DNM3: variants seen among roughly 807,000 people sequenced by gnomAD.
The protein encoded by DNM3 is dynamin 3.
In DNM3, 47 loss-of-function variants were observed where a neutral mutation model predicts 101.6. The ratio of observed to expected loss-of-function variants is 0.46; its 90% confidence interval spans 0.37 to 0.59. DNM3 has a LOEUF of 0.59. Ranked by LOEUF, DNM3 falls within the 20% of genes least tolerant of loss-of-function variation. DNM3 has a pLI of 0.00. For synonymous variants in DNM3, 385 were observed against 387.9 expected (o/e 0.99, Z 0.09); for missense variants, 849 against 1,085.7 (o/e 0.78, Z 3.06).
At chr1:171,940,792 G>T (rs1361328613) in intron 2 of DNM3, among the ~76,000 whole-genome samples, 1 of 151,708 alleles carries the variant, frequency 6.6e-6, no homozygotes, top group Non-Finnish European at 1.5e-5. Flanking sequence ...TTTCATCATT[G>T]TACTATTTTA....
At chr1:171,888,554 G>A (rs955543351) in intron 1 of DNM3, among the ~76,000 whole-genome samples, 2 of 152,152 alleles carry the variant, frequency 1.3e-5, no homozygotes, top group African/African-American at 4.8e-5. Context: ...ACTGTTTTCA[G>A]TCTCGGGATG....
intron 14 of DNM3, among the ~76,000 whole-genome samples, chr1:172,218,537 C>A (rs946139243): frequency 2.9e-4 from 44 of 151,824 alleles, no homozygotes; most frequent in African/African-American, 1.1e-3. Context: ...AATATTTATC[C>A]CACTTAAGTG....
chr1:172,286,156 G>T (rs201163363), intron 15 of DNM3, among the ~76,000 whole-genome samples: 1 of 151,814 alleles, frequency 6.6e-6, no homozygotes, highest in Admixed American at 6.6e-5. Context: ...TAGTAAATAT[G>T]GAAGGAAGAG....
chr1:172,382,056 T>A (rs185096466), intron 18 of DNM3, among the ~76,000 whole-genome samples: 1 of 152,322 alleles, frequency 6.6e-6, no homozygotes, highest in East Asian at 1.9e-4. Context: ...GTTCTGCCAC[T>A]CAAATCTCCA....
intron 14 of DNM3, among the ~76,000 whole-genome samples, chr1:172,180,086 A>G (rs2819529): frequency 0.5 from 76,338 of 151,934 alleles, 21,255 homozygotes; most frequent in African/African-American, 0.75. Flanking sequence ...CTGCTCTTGT[A>G]TAGTTTAGCA....
intron 15 of DNM3, among the ~76,000 whole-genome samples, chr1:172,266,297 T>C (rs537143167): frequency 9.9e-5 from 15 of 152,178 alleles, no homozygotes; most frequent in Admixed American, 2.0e-4. Context: ...TGGTATACAA[T>C]GCTTTGTCTA....
intron 2 of DNM3, among the ~76,000 whole-genome samples, chr1:171,946,639 AATGCT>A (rs2125436442): frequency 6.6e-6 from 1 of 152,300 alleles, no homozygotes; most frequent in East Asian, 1.9e-4. Flanking sequence ...GCTGTAAAGG[AATGCT>A]GAGGCTGGAT....
chr1:171,872,725 G>A (rs866067747), intron 1 of DNM3, among the ~76,000 whole-genome samples: 15 of 151,792 alleles, frequency 9.9e-5, no homozygotes, highest in South Asian at 4.2e-4. Flanking sequence ...GTGGAAAGTC[G>A]ATGTTTGCTC....
intron 14 of DNM3, among the ~76,000 whole-genome samples, chr1:172,198,119 G>A (rs1294762481): frequency 6.6e-6 from 1 of 151,964 alleles, no homozygotes; most frequent in Non-Finnish European, 1.5e-5. Context: ...AACATGAAGG[G>A]GTGTTGAATT....
intron 11 of DNM3, among the ~76,000 whole-genome samples, chr1:172,071,169 C>G (rs2052159775): frequency 7.0e-6 from 1 of 142,482 alleles, no homozygotes; most frequent in Non-Finnish European, 1.5e-5. Flanking sequence ...TCCCAAAGAG[C>G]TATGGCACAT....
chr1:171,965,841 G>T (rs938471426), intron 2 of DNM3, among the ~76,000 whole-genome samples: 1 of 152,146 alleles, frequency 6.6e-6, no homozygotes, highest in African/African-American at 2.4e-5. Flanking sequence ...CTGGAGATTA[G>T]GGGGTAGGAG....
intron 1 of DNM3, among the ~76,000 whole-genome samples, chr1:171,875,029 A>G (rs886743507): frequency 1.3e-5 from 2 of 152,034 alleles, no homozygotes; most frequent in Admixed American, 6.6e-5. Flanking sequence ...ATAGTATTCC[A>G]TGGTGTGTAG....
At chr1:172,020,204 G>T (rs888202977) in intron 4 of DNM3, among the ~76,000 whole-genome samples, 1 of 152,034 alleles carries the variant, frequency 6.6e-6, no homozygotes, top group Non-Finnish European at 1.5e-5. Flanking sequence ...TGTGCTTCTG[G>T]ACTCACAAGT....
chr1:171,879,858 T>C (rs111597658), intron 1 of DNM3, among the ~76,000 whole-genome samples: 9 of 152,360 alleles, frequency 5.9e-5, no homozygotes, highest in African/African-American at 2.2e-4. Flanking sequence ...AGCTGTCTGC[T>C]GCCTGTTAGA....
intron 17 of DNM3, among the ~76,000 whole-genome samples, chr1:172,359,628 A>T (rs1247215667): frequency 1.7e-5 from 1 of 58,094 alleles, no homozygotes; most frequent in African/African-American, 1.2e-4. Flanking sequence ...TCAGAAAAAT[A>T]AAAAAAAAAA....
intron 14 of DNM3, among the ~76,000 whole-genome samples, chr1:172,164,322 A>G (rs1285087295): frequency 6.8e-6 from 1 of 147,418 alleles, no homozygotes; most frequent in Non-Finnish European, 1.5e-5. Flanking sequence ...TGTTCAGGTT[A>G]GGGTGCTATT....
chr1:171,994,001 A>G (rs1158174421), intron 4 of DNM3, among the ~76,000 whole-genome samples: 1 of 151,956 alleles, frequency 6.6e-6, no homozygotes, highest in Non-Finnish European at 1.5e-5. Context: ...ATTCTCATAC[A>G]TTCTTTTTGT....
At chr1:172,379,684 G>C (rs546882731) in intron 18 of DNM3, among the ~76,000 whole-genome samples, 1 of 151,784 alleles carries the variant, frequency 6.6e-6, no homozygotes, top group Non-Finnish European at 1.5e-5. Context: ...TTATTCCCTC[G>C]GATTAAAAAC....
At chr1:172,338,982 C>T (rs2066567915) in intron 17 of DNM3, 3 of 433,156 alleles carry the variant, frequency 6.9e-6, no homozygotes, top group Non-Finnish European at 1.4e-5. Flanking sequence ...ATAATATTAA[C>T]TTGTTCAAAG....
Sources: allele counts gnomAD v4.1 joint callset (sites outside exome capture counted in the v4.1 genomes callset), GRCh38; gene constraint gnomAD v4.1.1; transcripts MANE v1.5; gene names NCBI Gene and HGNC (gene_info 2026-07-23, HGNC 2026-07-21).